Variants in GSE1 observed in about 807,000 individuals in gnomAD.
The protein encoded by GSE1 is Gse1 coiled-coil protein.
A neutral mutation model predicts 112.6 loss-of-function variants in GSE1; 32 were observed. The observed-to-expected ratio is 0.28, with a 90% CI of 0.21 to 0.38. The LOEUF is 0.38. GSE1 is among the 10% of genes least tolerant of loss of function. The probability of loss-of-function intolerance (pLI) is 1.00; values close to 1 mark genes in which losing one functional copy is unlikely to be tolerated. For synonymous variants in GSE1, 1,115 were observed against 735.6 expected (o/e 1.52, Z -8.35); for missense variants, 2,348 against 1,699.2 (o/e 1.38, Z -6.71).
chr16:85,653,389 G>A (rs1253137612), intron 3 of GSE1, among the ~76,000 whole-genome samples: 1 of 143,720 alleles, frequency 7.0e-6, no homozygotes, highest in Non-Finnish European at 1.5e-5. Context: ...CTCCGGGCTG[G>A]ACCCTGCGTG....
In GSE1 at chr16:85,661,377, G is replaced by A; in HGVS notation, c.1872G>A (p.Lys624=). 6.2e-7 allele frequency: 1 copy of A among 1,612,356 alleles called. No individual in the cohort carries two copies. ...GCCAGGCAGCCGTGCCGCTGGTGAA[G>A]GTGGAGCGGGTCTTCTGCCCGGAGA... The part of the protein sequence containing the change: ...PSRQAAVPLV[K]VERVFCPEKA... The change falls in exon 9 of 16, where the codon AAG becomes AAA. Residue 624 remains lysine (K), a synonymous_variant. Coordinates refer to ENST00000253458, the MANE Select transcript of GSE1 (RefSeq NM_014615.5).
At chr16:85,398,841 A>C (rs966095192) in intron 2 of GSE1, among the ~76,000 whole-genome samples, 2 of 152,132 alleles carry the variant, frequency 1.3e-5, no homozygotes, top group African/African-American at 4.8e-5. Flanking sequence ...GTACACGTGC[A>C]CATGTGTAGA....
intron 2 of GSE1, among the ~76,000 whole-genome samples, chr16:85,512,480 C>T (rs1302362754): frequency 6.6e-6 from 1 of 152,222 alleles, no homozygotes; most frequent in African/African-American, 2.4e-5. Context: ...CTGATGGGAA[C>T]CCCACGCTTC....
chr16:85,472,094 A>G (rs1040096647), intron 2 of GSE1, among the ~76,000 whole-genome samples: 5 of 152,014 alleles, frequency 3.3e-5, no homozygotes, highest in African/African-American at 7.2e-5. Flanking sequence ...TGACAACCAG[A>G]CACCTGCCCA....
chr16:85,287,349 A>G (rs1312801303), intron 1 of GSE1, among the ~76,000 whole-genome samples: 1 of 152,004 alleles, frequency 6.6e-6, no homozygotes, highest in Non-Finnish European at 1.5e-5. Context: ...TGCACCAGCC[A>G]CCCCAGGGTT....
At chr16:85,288,112 C>A (rs1434528261) in intron 1 of GSE1, among the ~76,000 whole-genome samples, 1 of 152,082 alleles carries the variant, frequency 6.6e-6, no homozygotes, top group Non-Finnish European at 1.5e-5. Context: ...TGGTGGCGTG[C>A]ACCTGTAATC....
At chr16:85,300,674 G>A (rs1227620930) in intron 1 of GSE1, among the ~76,000 whole-genome samples, 1 of 152,230 alleles carries the variant, frequency 6.6e-6, no homozygotes, top group African/African-American at 2.4e-5. Context: ...CACGTTTTGT[G>A]TGTCCTTTCG....
At position 85,661,624 on chromosome 16, in the gene GSE1, A is replaced by C; in HGVS notation, c.2119A>C (p.Lys707Gln). ...CTTCGGGGAGCTCAGCGGACCCCTG[A>C]AGCCTGGCTCGCCCTACCGGCCCCC... ...ATFGELSGPL[K>Q]PGSPYRPPVP... is the part of the protein sequence containing the mutation. The change falls in exon 9 of 16, where the codon AAG becomes CAG. Residue 707 changes from lysine (K) to glutamine (Q), a missense_variant. Lys to Gln is a moderately conservative substitution (Grantham distance 53). Coordinates refer to ENST00000253458, the MANE Select transcript of GSE1 (RefSeq NM_014615.5). 6.2e-7 allele frequency: 1 copy of C among 1,611,400 alleles called. No homozygotes were observed. The highest frequency in any genetic ancestry group is 8.5e-7 in the Non-Finnish European group (1 of 1,179,518).
chr16:85,309,656 A>G (rs1484247931), intron 1 of GSE1, among the ~76,000 whole-genome samples: 4 of 152,118 alleles, frequency 2.6e-5, no homozygotes, highest in African/African-American at 9.7e-5. Context: ...GGACCTGTCC[A>G]CCTCTCCTGC....
chr16:85,250,200 C>G (rs985176946), intron 1 of GSE1, among the ~76,000 whole-genome samples: 11 of 152,218 alleles, frequency 7.2e-5, no homozygotes, highest in African/African-American at 2.2e-4. Flanking sequence ...TTGCCCACAC[C>G]AGGGAGGGAG....
At chr16:85,415,789 T>C (rs1002421447) in intron 2 of GSE1, among the ~76,000 whole-genome samples, 2 of 152,240 alleles carry the variant, frequency 1.3e-5, no homozygotes, top group Non-Finnish European at 2.9e-5. Context: ...GACAGTTTTA[T>C]TGGCAGGCAG....
At position 85,588,424 on chromosome 16, in the gene GSE1, G is replaced by A. The variant is rs543519658; in HGVS notation, c.37+32061G>A. ...GGCTGCTAATTACCAGTGTGGGAAC[G>A]GCTTTATGATCCTCAAGGGCCCTGA... On this transcript the variant is annotated intron_variant, in intron 1 of 2. Coordinates refer to the GSE1 transcript ENST00000635906. Among the ~76,000 whole-genome samples, 9 of 152,302 alleles carry A rather than the reference G, an allele frequency of 5.9e-5. 1 individual carries two copies. In the East Asian group the frequency reaches 9.7e-4, roughly 16 times the overall value.
rs76073670 is a variant in GSE1, at chr16:85,222,205, A to G, written c.2283+50398A>G. Among the ~76,000 whole-genome samples, 1,108 of 152,318 alleles carry G rather than the reference A, an allele frequency of 7.3e-3. 18 individuals are homozygous for G. Among genetic ancestry groups the G allele is most frequent in the African/African-American group, 0.025 (1,055 of 41,574 alleles). ...CCTCCTGCACTTCAGTGTAGAGGCC[A>G]GCCTCTCCCTCCAGTGAACTCTGCC... On this transcript the variant is annotated intron_variant, in intron 1 of 2. Transcript: ENST00000637419.
At chr16:85,196,780 C>G (rs192637413) in intron 1 of GSE1, among the ~76,000 whole-genome samples, 1 of 152,078 alleles carries the variant, frequency 6.6e-6, no homozygotes, top group African/African-American at 2.4e-5. Flanking sequence ...CATGTTTAGA[C>G]GGGGCGGGGG....
chr16:85,200,569 C>T (rs2075009082), intron 1 of GSE1, among the ~76,000 whole-genome samples: 1 of 152,074 alleles, frequency 6.6e-6, no homozygotes, highest in Non-Finnish European at 1.5e-5. Context: ...GTGGGCTGAA[C>T]TCTTAACACC....
intron 2 of GSE1, among the ~76,000 whole-genome samples, chr16:85,361,570 A>G (rs753910): frequency 0.56 from 84,889 of 152,166 alleles, 24,365 homozygotes; most frequent in African/African-American, 0.69. Flanking sequence ...CTGGGGCAGG[A>G]GCCTTTACCA....
intron 2 of GSE1, among the ~76,000 whole-genome samples, chr16:85,375,554 C>T (rs1250927694): frequency 6.6e-6 from 1 of 152,250 alleles, no homozygotes; most frequent in Non-Finnish European, 1.5e-5. Context: ...CCAAGCCTGC[C>T]TGGGGCCATG....
upstream of GSE1, among the ~76,000 whole-genome samples, chr16:85,608,002 C>CA (rs1294324457): frequency 2.0e-5 from 3 of 152,194 alleles, no homozygotes; most frequent in Non-Finnish European, 2.9e-5. Flanking sequence ...TCCTCCCCCC[C>CA]ATGATTTCAG....
chr16:85,639,066 C>T (rs957386457), intron 2 of GSE1, among the ~76,000 whole-genome samples: 1 of 152,220 alleles, frequency 6.6e-6, no homozygotes, highest in Non-Finnish European at 1.5e-5. Context: ...CTGGGTTGCA[C>T]CCCCAGCCCC....
Sources: allele counts gnomAD v4.1 joint callset (sites outside exome capture counted in the v4.1 genomes callset), GRCh38; gene constraint gnomAD v4.1.1; transcripts MANE v1.5; gene names NCBI Gene and HGNC (gene_info 2026-07-23, HGNC 2026-07-21).